Variants in CSRNP3 observed in about 807,000 individuals in gnomAD.
CSRNP3 encodes the protein cysteine and serine rich nuclear protein 3.
In CSRNP3, 12 loss-of-function variants were observed where a neutral mutation model predicts 48.0. The observed-to-expected ratio is 0.25, with a 90% CI of 0.16 to 0.41. The LOEUF is 0.41. Among genes scored for constraint, CSRNP3 ranks in the 10% least tolerant of loss-of-function variants. The pLI is 1.00. For missense variants in CSRNP3, 580 were observed against 724.4 expected (o/e 0.80, Z 2.29); for synonymous variants, 263 against 269.7 (o/e 0.98, Z 0.24).
At chr2:165,506,353 G>A (rs1684426175) in intron 2 of CSRNP3, among the ~76,000 whole-genome samples, 1 of 152,108 alleles carries the variant, frequency 6.6e-6, no homozygotes, top group Non-Finnish European at 1.5e-5. Flanking sequence ...GATGGGTTCA[G>A]CAAATAAGAT....
intron 4 of CSRNP3, among the ~76,000 whole-genome samples, chr2:165,636,962 A>G (rs141829952): frequency 6.6e-6 from 1 of 152,246 alleles, no homozygotes; most frequent in East Asian, 1.9e-4. Flanking sequence ...TCCTATTCAC[A>G]ATGTCCCAGG....
chr2:165,477,504 A>AATATATAT (rs35294627), intron 1 of CSRNP3, among the ~76,000 whole-genome samples: 19 of 132,190 alleles, frequency 1.4e-4, no homozygotes, highest in East Asian at 8.3e-4. Context: ...ATATAATACA[A>AATATATAT]ATATATATAT....
intron 3 of CSRNP3, among the ~76,000 whole-genome samples, chr2:165,544,747 A>G (rs567809932): frequency 1.3e-5 from 2 of 152,302 alleles, no homozygotes; most frequent in East Asian, 1.9e-4. Context: ...ATATCAAGGA[A>G]GTAGTTGTCC....
rs58624766 is a variant in CSRNP3, at chr2:165,642,103, A to AACACACACAC, written c.149-15623_149-15614dup. ...TAGTACCTGAGAATACACACACACA[A>AACACACACAC]ACACACACACACACACACACACACA... is the stretch of plus-strand genomic sequence containing the variant. On this transcript the variant is annotated intron_variant, in intron 4 of 6. Transcript: ENST00000651982. Among the ~76,000 whole-genome samples, 137 of 132,194 alleles carry AACACACACAC rather than the reference A, an allele frequency of 1.0e-3. 2 individuals are homozygous for AACACACACAC. The highest frequency in any genetic ancestry group is 3.1e-3 in the African/African-American group (113 of 36,706). The allele number at this position is 132,194 out of a possible 152,430, so 86.7% of individuals were successfully genotyped here. A position where few individuals can be genotyped will look rare whatever the true frequency, so the allele number is the denominator to read the frequency against.
chr2:165,588,765 G>C (rs1487029992), intron 3 of CSRNP3, among the ~76,000 whole-genome samples: 5 of 151,996 alleles, frequency 3.3e-5, no homozygotes, highest in African/African-American at 1.2e-4. Context: ...GACCAGCCTG[G>C]GCAACATAGC....
At chr2:165,560,406 C>T (rs1387276845) in intron 3 of CSRNP3, among the ~76,000 whole-genome samples, 4 of 152,174 alleles carry the variant, frequency 2.6e-5, no homozygotes, top group Admixed American at 2.6e-4. Flanking sequence ...CTTTTGCTAG[C>T]AATCACCTCA....
intron 3 of CSRNP3, among the ~76,000 whole-genome samples, chr2:165,528,103 CA>C (rs1433854246): frequency 2.6e-5 from 4 of 152,056 alleles, no homozygotes; most frequent in Non-Finnish European, 5.9e-5. Flanking sequence ...TTTTTTATTA[CA>C]TATTTGTTTC....
intron 3 of CSRNP3, among the ~76,000 whole-genome samples, chr2:165,565,052 G>A: frequency 6.6e-6 from 1 of 151,994 alleles, no homozygotes; most frequent in Admixed American, 6.6e-5. Flanking sequence ...GCTCAATTTT[G>A]TCTCAGCTAT....
intron 1 of CSRNP3, among the ~76,000 whole-genome samples, chr2:165,484,652 C>A (rs953858826): frequency 1.3e-5 from 2 of 152,134 alleles, no homozygotes; most frequent in African/African-American, 4.8e-5. Flanking sequence ...GGGACAAACT[C>A]AATAAAGAAT....
At chr2:165,592,042 C>T (rs1050488579) in intron 3 of CSRNP3, among the ~76,000 whole-genome samples, 1 of 152,224 alleles carries the variant, frequency 6.6e-6, no homozygotes, top group African/African-American at 2.4e-5. Flanking sequence ...GTAAAAGCAG[C>T]CAGGAGGGGA....
At chr2:165,520,754 G>T (rs1251611363) in intron 3 of CSRNP3, among the ~76,000 whole-genome samples, 3 of 72,616 alleles carry the variant, frequency 4.1e-5, no homozygotes, top group African/African-American at 6.4e-5. Flanking sequence ...TATATAAATA[G>T]ATATATAGAA....
chr2:165,500,767 A>G (rs1050429977), intron 2 of CSRNP3, among the ~76,000 whole-genome samples: 3 of 151,976 alleles, frequency 2.0e-5, no homozygotes, highest in African/African-American at 7.3e-5. Context: ...CATTATTTAT[A>G]TTTGATCTTG....
chr2:165,521,238 A>G (rs1319596422), intron 3 of CSRNP3, among the ~76,000 whole-genome samples: 1 of 151,662 alleles, frequency 6.6e-6, no homozygotes, highest in Non-Finnish European at 1.5e-5. Flanking sequence ...GGGGAAACAA[A>G]GACTTCTCAT....
intron 3 of CSRNP3, among the ~76,000 whole-genome samples, chr2:165,534,705 G>A (rs1357318020): frequency 2.0e-5 from 3 of 151,528 alleles, no homozygotes; most frequent in Admixed American, 2.0e-4. Flanking sequence ...CACTGACATG[G>A]AAAAACATCA....
At chr2:165,647,307 CTT>C (rs913179480) in intron 4 of CSRNP3, among the ~76,000 whole-genome samples, 4 of 152,072 alleles carry the variant, frequency 2.6e-5, no homozygotes, top group African/African-American at 9.7e-5. Flanking sequence ...TATTTGACAA[CTT>C]ATTATTTTGC....
intron 3 of CSRNP3, among the ~76,000 whole-genome samples, chr2:165,539,528 CA>C (rs1378945178): frequency 6.6e-6 from 1 of 152,018 alleles, no homozygotes; most frequent in East Asian, 1.9e-4. Context: ...TTTTGATTAA[CA>C]ACTTAAAGAG....
Position 165,609,351 on chromosome 2 carries a change from C to T in CSRNP3, c.148+14138C>T, listed in dbSNP as rs542612913. Among the ~76,000 whole-genome samples the T allele has an allele frequency of 8.4e-4, 114 of 134,990 alleles. No homozygotes were observed. The East Asian group carries it at 0.016, about 19-fold the overall frequency. 88.6% of individuals were successfully genotyped at this position (134,990 alleles called of 152,430 possible). On this transcript the variant is annotated intron_variant, in intron 4 of 6. Transcript: ENST00000651982. Reference sequence around the variant, plus strand: ...GCGGGCGCTTGTAGTCCCAGCTACTCGGGAGGCTGAGGCAGGAGAATGGCG... The same window carrying T: ...GCGGGCGCTTGTAGTCCCAGCTACTTGGGAGGCTGAGGCAGGAGAATGGCG...
rs576841570 is a variant in CSRNP3 at position 165,499,017 on chromosome 2, G to T, written c.-113+4089G>T. The stretch of plus-strand genomic sequence containing the variant: ...TTTACAAATAAATCTTAGAGTGTTC[G>T]TATTTTATAAACCTCTTGTTAGAGA... On this transcript the variant is annotated intron_variant, in intron 2 of 6. Transcript: ENST00000651982. 2.0e-5 allele frequency among the ~76,000 whole-genome samples: 3 copies of T among 152,198 alleles called. No individual in the cohort carries two copies. The South Asian group carries it at 6.2e-4, about 32-fold the overall frequency.
rs151062529 is a variant in CSRNP3 at position 165,562,207 on chromosome 2, A to C, written c.-23-32836A>C. Among the ~76,000 whole-genome samples the C allele has an allele frequency of 4.4e-4, 67 of 152,340 alleles. No homozygotes were observed. In the East Asian group the frequency reaches 8.9e-3, roughly 20 times the overall value. ...AGACTATGTTAGATAACTGTGTGCA[A>C]AATCACAGAACTGGTCTTGGACAGA... is the stretch of plus-strand genomic sequence containing the variant. On this transcript the variant is annotated intron_variant, in intron 3 of 6. Coordinates refer to ENST00000651982, the MANE Select transcript of CSRNP3 (RefSeq NM_001172173.2).
Sources: allele counts gnomAD v4.1 joint callset (sites outside exome capture counted in the v4.1 genomes callset), GRCh38; gene constraint gnomAD v4.1.1; transcripts MANE v1.5; gene names NCBI Gene and HGNC (gene_info 2026-07-23, HGNC 2026-07-21).